Variants in DMD observed in about 807,000 individuals in gnomAD.
DMD encodes the protein mutant dystrophin.
Under a neutral mutation model 330.1 loss-of-function variants are expected in DMD, and 63 were observed. The ratio of observed to expected loss-of-function variants is 0.19; its 90% CI spans 0.16 to 0.24. The LOEUF is 0.24. Ranked by LOEUF, DMD falls within the 10% of genes least tolerant of loss-of-function variation. The pLI is 1.00. For synonymous variants in DMD, 1,223 were observed against 959.8 expected, an observed-to-expected ratio of 1.27 and a Z score of -5.07; for missense variants, 3,344 against 2,684.1, an observed-to-expected ratio of 1.25 and a Z score of -5.43.
At chrX:32,587,389 T>A (rs1056017701) in intron 13 of DMD, among the ~76,000 whole-genome samples, 8 of 112,500 alleles carry the variant, frequency 7.1e-5, no homozygotes, top group Non-Finnish European at 1.5e-4. Flanking sequence ...TCATTCTTAT[T>A]GTCTACTTAT....
At chrX:32,623,058 G>T (rs1252977615) in intron 11 of DMD, among the ~76,000 whole-genome samples, 1 of 112,128 alleles carries the variant, frequency 8.9e-6, no homozygotes, top group Non-Finnish European at 1.9e-5. Flanking sequence ...AAGTATCAAA[G>T]GGTATCAGAC....
intron 55 of DMD, among the ~76,000 whole-genome samples, chrX:31,514,528 C>G (rs1056121321): frequency 4.5e-5 from 5 of 111,927 alleles, no homozygotes; most frequent in African/African-American, 1.3e-4. Flanking sequence ...TTCTCTTTCC[C>G]TTATTAGCCA....
At chrX:32,265,810 T>G (rs188721992) in intron 43 of DMD, among the ~76,000 whole-genome samples, 1 of 112,508 alleles carries the variant, frequency 8.9e-6, no homozygotes, top group East Asian at 2.8e-4. Context: ...GGAATGGGTG[T>G]ATTTAACCAA....
chrX:32,196,849 G>A (rs1210715205), intron 44 of DMD, among the ~76,000 whole-genome samples: 1 of 108,950 alleles, frequency 9.2e-6, no homozygotes, highest in East Asian at 2.9e-4. Flanking sequence ...AGCGGGGCGT[G>A]GTAGCCAGCG....
chrX:32,439,029 C>T (rs1019019728), intron 28 of DMD, among the ~76,000 whole-genome samples: 3 of 111,474 alleles, frequency 2.7e-5, no homozygotes, highest in Non-Finnish European at 5.7e-5. Flanking sequence ...TAATACCCAT[C>T]TCCTATACTG....
rs1243320964 is a variant in DMD at position 32,615,652 on chromosome X, C to A, written c.1332-1199G>T. Among the ~76,000 whole-genome samples the A allele has an allele frequency of 2.5e-4, 28 of 111,369 alleles. No homozygotes were observed. In the Admixed American group the frequency reaches 2.7e-3, roughly 11 times the overall value. ...ACTCTAAAATCTTTACTGGAAGTTT[C>A]CATTAATCATCACATTTAAACACAC... On this transcript the variant is annotated intron_variant, in intron 11 of 78. Coordinates refer to ENST00000357033, the MANE Select transcript of DMD (RefSeq NM_004006.3).
chrX:32,645,281 A>ACAG, intron 9 of DMD, 129 bp from the exon 10 acceptor site: 2 of 667,252 alleles, frequency 3.0e-6, no homozygotes, highest in Non-Finnish European at 4.5e-6. Flanking sequence ...AAACACAGGA[A>ACAG]CAGCAGATAC....
intron 34 of DMD, among the ~76,000 whole-genome samples, chrX:32,379,114 A>G (rs779240863): frequency 9.1e-6 from 1 of 110,417 alleles, no homozygotes; most frequent in Admixed American, 9.7e-5. Flanking sequence ...ATTTTAGAGT[A>G]TGTCATTAAC....
intron 1 of DMD, among the ~76,000 whole-genome samples, chrX:33,081,764 A>G (rs1007324150): frequency 1.4e-4 from 16 of 111,921 alleles, no homozygotes; most frequent in Admixed American, 1.3e-3. Context: ...GTATCCCTGT[A>G]TAACTACCAT....
chrX:31,736,795 A>C (rs891245189), intron 51 of DMD, among the ~76,000 whole-genome samples: 4 of 111,184 alleles, frequency 3.6e-5, no homozygotes, highest in Non-Finnish European at 5.7e-5. Context: ...CATACTAGTT[A>C]AAAGAATGAA....
At chrX:33,193,263 C>T (rs751640679) in intron 1 of DMD, among the ~76,000 whole-genome samples, 18 of 111,870 alleles carry the variant, frequency 1.6e-4, no homozygotes, top group Middle Eastern at 4.6e-3. Flanking sequence ...GCCGAGATCA[C>T]ACAACTGCAT....
At chrX:32,602,841 C>T (rs2056340970) in intron 12 of DMD, among the ~76,000 whole-genome samples, 2 of 111,264 alleles carry the variant, frequency 1.8e-5, no homozygotes, top group Admixed American at 1.9e-4. Flanking sequence ...TCTCTAGGAT[C>T]TCAGGTGGAG....
chrX:31,757,702 C>A (rs767297249), intron 51 of DMD, among the ~76,000 whole-genome samples: 2 of 109,786 alleles, frequency 1.8e-5, no homozygotes, highest in African/African-American at 3.3e-5. Flanking sequence ...GACCTAATCA[C>A]CCCCCCAAAC....
intron 60 of DMD, among the ~76,000 whole-genome samples, chrX:31,376,709 A>C (rs750725950): frequency 3.6e-5 from 4 of 112,284 alleles, no homozygotes; most frequent in Non-Finnish European, 7.5e-5. Context: ...CCACTGCAAA[A>C]TTTGGAATAA....
In DMD at chrX:31,968,533, G is replaced by A. The variant is rs1034604370; in HGVS notation, c.6439-19C>T. 8.3e-7 allele frequency: 1 copy of A among 1,205,113 alleles called. No homozygotes were observed. ...GGAGTTCCTGTAAGATACCAAAAAG[G>A]CAAAACAAAAATGAAGCCCCATGTC... On this transcript the variant is annotated intron_variant, in intron 44 of 78. Coordinates refer to ENST00000357033, the MANE Select transcript of DMD (RefSeq NM_004006.3).
At chrX:32,454,385 T>C (rs1031934994) in intron 26 of DMD, among the ~76,000 whole-genome samples, 1 of 111,264 alleles carries the variant, frequency 9.0e-6, no homozygotes, top group Non-Finnish European at 1.9e-5. Flanking sequence ...AATGAGTTGA[T>C]TCTGCTCTCT....
At chrX:31,507,869 C>T (rs1267394298) in intron 55 of DMD, among the ~76,000 whole-genome samples, 1 of 111,568 alleles carries the variant, frequency 9.0e-6, no homozygotes. Context: ...TTTCTATTTA[C>T]GTAGTAATCT....
intron 55 of DMD, among the ~76,000 whole-genome samples, chrX:31,589,508 T>C (rs959295233): frequency 4.5e-5 from 5 of 111,597 alleles, no homozygotes; most frequent in Admixed American, 1.9e-4. Flanking sequence ...GAATGAGCTG[T>C]TGGCATTCTT....
intron 1 of DMD, among the ~76,000 whole-genome samples, chrX:33,117,270 G>C (rs1051968864): frequency 9.0e-6 from 1 of 111,059 alleles, no homozygotes; most frequent in African/African-American, 3.3e-5. Context: ...TATAAGATGA[G>C]TAAGCTCTGG....
Sources: allele counts gnomAD v4.1 joint callset (sites outside exome capture counted in the v4.1 genomes callset), GRCh38; gene constraint gnomAD v4.1.1; transcripts MANE v1.5; gene names NCBI Gene and HGNC (gene_info 2026-07-23, HGNC 2026-07-21).